Variants in TAFA5 observed in about 807,000 individuals in gnomAD.
TAFA5 encodes chemokine-like protein TAFA-5.
In TAFA5, 6 loss-of-function variants were observed where a neutral mutation model predicts 15.3. The ratio of observed to expected loss-of-function variants is 0.39; its 90% confidence interval spans 0.21 to 0.77. The LOEUF is 0.77. Among genes scored for constraint, TAFA5 ranks in the 30% least tolerant of loss-of-function variants. The probability of loss-of-function intolerance (pLI) is 0.41; values close to 1 mark genes in which losing one functional copy is unlikely to be tolerated. For synonymous variants in TAFA5, 103 were observed against 80.7 expected (o/e 1.28, Z -1.48); for missense variants, 161 against 193.1 (o/e 0.83, Z 0.98).
chr22:48,524,410 C>T (rs1921710554), intron 1 of TAFA5, among the ~76,000 whole-genome samples: 1 of 152,218 alleles, frequency 6.6e-6, no homozygotes, highest in Non-Finnish European at 1.5e-5. Flanking sequence ...CCCTGAGGAG[C>T]CCAGCAGTGC....
intron 1 of TAFA5, among the ~76,000 whole-genome samples, chr22:48,587,827 C>T (rs1271001233): frequency 2.0e-5 from 3 of 152,268 alleles, no homozygotes; most frequent in South Asian, 2.1e-4. Context: ...ATCAGCGGTT[C>T]GGAAGGCCTG....
chr22:48,664,583 A>C (rs1014991895), intron 2 of TAFA5, among the ~76,000 whole-genome samples: 1 of 152,124 alleles, frequency 6.6e-6, no homozygotes, highest in African/African-American at 2.4e-5. Context: ...TGTAAGTGCA[A>C]ACCTTGATCT....
intron 2 of TAFA5, among the ~76,000 whole-genome samples, chr22:48,677,093 GAC>G (rs1211249584): frequency 6.6e-6 from 1 of 152,268 alleles, no homozygotes; most frequent in Non-Finnish European, 1.5e-5. Flanking sequence ...TCTGTATTAA[GAC>G]ACAATTATCT....
intron 3 of TAFA5, among the ~76,000 whole-genome samples, chr22:48,748,568 G>A (rs1930393341): frequency 6.6e-6 from 1 of 152,206 alleles, no homozygotes; most frequent in Non-Finnish European, 1.5e-5. Flanking sequence ...CTGTCCCCGG[G>A]GCAGGTCCCC....
chr22:48,736,775 C>T (rs1026555180), intron 3 of TAFA5, among the ~76,000 whole-genome samples: 20 of 152,180 alleles, frequency 1.3e-4, no homozygotes, highest in Admixed American at 1.2e-3. Context: ...GTGAAACTTC[C>T]GGAACAGGCA....
chr22:48,684,538 C>G (rs938882558), intron 2 of TAFA5, among the ~76,000 whole-genome samples: 4 of 152,194 alleles, frequency 2.6e-5, no homozygotes. Context: ...AAGGTTGATG[C>G]TGCCTCCAGA....
intron 2 of TAFA5, among the ~76,000 whole-genome samples, chr22:48,677,334 A>C (rs1030371085): frequency 1.3e-5 from 2 of 152,192 alleles, no homozygotes; most frequent in African/African-American, 2.4e-5. Flanking sequence ...CTTGGCTCGG[A>C]CGTCGGTTTC....
intron 2 of TAFA5, among the ~76,000 whole-genome samples, chr22:48,667,574 C>T (rs1326162414): frequency 6.6e-6 from 1 of 152,154 alleles, no homozygotes; most frequent in Non-Finnish European, 1.5e-5. Context: ...TCGCGGGCTT[C>T]GCTGGAATCT....
chr22:48,492,685 T>C (rs1246077559), intron 1 of TAFA5, among the ~76,000 whole-genome samples: 1 of 152,216 alleles, frequency 6.6e-6, no homozygotes, highest in African/African-American at 2.4e-5. Context: ...GGGCCCTGGA[T>C]GGCTCACTTT....
At chr22:48,555,613 G>A (rs555972533) in intron 1 of TAFA5, among the ~76,000 whole-genome samples, 2 of 152,332 alleles carry the variant, frequency 1.3e-5, no homozygotes, top group African/African-American at 4.8e-5. Flanking sequence ...AGAAGCTGCT[G>A]GAAGTGGCCT....
At chr22:48,703,024 T>C (rs1466808787) in intron 2 of TAFA5, among the ~76,000 whole-genome samples, 1 of 152,214 alleles carries the variant, frequency 6.6e-6, no homozygotes, top group African/African-American at 2.4e-5. Context: ...AGAGTGTACA[T>C]GTGGGTGCAT....
intron 1 of TAFA5, among the ~76,000 whole-genome samples, chr22:48,571,608 C>CTTTTTTTTTTT (rs1601586303): frequency 2.1e-4 from 7 of 33,534 alleles, no homozygotes; most frequent in Non-Finnish European, 3.4e-4. Flanking sequence ...TTTTTTTTTG[C>CTTTTTTTTTTT]TTTAAAAAAA....
Position 48,489,812 on chromosome 22 carries a change from G to A in TAFA5, c.112+108G>A. The A allele has an allele frequency of 1.7e-6, 1 of 590,676 alleles. No homozygotes were observed. Among genetic ancestry groups the A allele is most frequent in the Non-Finnish European group, 2.6e-6 (1 of 388,436 alleles). 36.6% of individuals were successfully genotyped at this position (590,676 alleles called of 1,614,324 possible). Reference sequence around the variant, plus strand: ...CCTCCCGGAGTCGGCGCGGAGTTACGAGCGCCGGGCGCATGGTCCCCCGAG... The same window carrying A: ...CCTCCCGGAGTCGGCGCGGAGTTACAAGCGCCGGGCGCATGGTCCCCCGAG... On this transcript the variant is annotated intron_variant, in intron 1 of 3. Transcript: ENST00000402357. The surrounding 1 kb of genome is among the most constrained non-coding windows in gnomAD (Gnocchi z 5.5).
At chr22:48,725,578 AT>A (rs1929691203) in intron 3 of TAFA5, among the ~76,000 whole-genome samples, 1 of 152,180 alleles carries the variant, frequency 6.6e-6, no homozygotes, top group African/African-American at 2.4e-5. Context: ...GGTTTTCTGA[AT>A]GAAATAGAAG....
chr22:48,745,725 C>T (rs974116373), intron 3 of TAFA5, among the ~76,000 whole-genome samples: 1 of 152,330 alleles, frequency 6.6e-6, no homozygotes, highest in African/African-American at 2.4e-5. Context: ...CCACTGTGGT[C>T]CACGTGGGTA....
intron 2 of TAFA5, chr22:48,693,389 G>A (rs929896048): frequency 1.9e-5 from 31 of 1,612,400 alleles, no homozygotes; most frequent in African/African-American, 6.7e-5. Flanking sequence ...CAGGTGAGTC[G>A]GAGATCCGTG....
At chr22:48,722,454 G>C (rs899519579) in intron 3 of TAFA5, among the ~76,000 whole-genome samples, 11 of 152,156 alleles carry the variant, frequency 7.2e-5, no homozygotes, top group Non-Finnish European at 1.6e-4. Context: ...ACTAACAACA[G>C]GAACAGAAAA....
intron 1 of TAFA5, among the ~76,000 whole-genome samples, chr22:48,549,397 G>A (rs1922785989): frequency 6.6e-6 from 1 of 152,236 alleles, no homozygotes; most frequent in African/African-American, 2.4e-5. Flanking sequence ...CACTGAGCAG[G>A]GAGATGGGTG....
chr22:48,578,221 C>T (rs1923890554), intron 1 of TAFA5, among the ~76,000 whole-genome samples: 1 of 152,342 alleles, frequency 6.6e-6, no homozygotes, highest in South Asian at 2.1e-4. Flanking sequence ...TGCATCCTGA[C>T]ACTCTGTGAT....
Sources: allele counts gnomAD v4.1 joint callset (sites outside exome capture counted in the v4.1 genomes callset), GRCh38; gene constraint gnomAD v4.1.1; non-coding constraint Gnocchi (gnomAD v3.1); transcripts MANE v1.5; gene names NCBI Gene and HGNC (gene_info 2026-07-23, HGNC 2026-07-21).